GALNT13: variants seen among roughly 807,000 people sequenced by gnomAD.
GALNT13 encodes the protein UDP-GalNAc:polypeptide N-acetylgalactosaminyltransferase 13.
Under a neutral mutation model 64.2 loss-of-function variants are expected in GALNT13, and 28 were observed. The observed-to-expected ratio is 0.44, with a 90% CI of 0.32 to 0.60. GALNT13 has a LOEUF of 0.60. Ranked by LOEUF, GALNT13 falls within the 20% of genes least tolerant of loss-of-function variation. The pLI is 0.05. For missense variants in GALNT13, 577 were observed against 669.8 expected (o/e 0.86, Z 1.53); for synonymous variants, 214 against 224.6 (o/e 0.95, Z 0.42).
At chr2:154,208,406 T>C (rs1282579572) in intron 4 of GALNT13, among the ~76,000 whole-genome samples, 1 of 152,158 alleles carries the variant, frequency 6.6e-6, no homozygotes. Flanking sequence ...TTCATACATA[T>C]TGCTGCTAAT....
rs796902958 is a variant in GALNT13 at position 153,993,016 on chromosome 2, T to A, written c.142+48377T>A. Among the ~76,000 whole-genome samples the A allele has an allele frequency of 9.2e-5, 14 of 152,250 alleles. 1 individual carries two copies. The highest frequency in any genetic ancestry group is 3.4e-4 in the African/African-American group (14 of 41,550). On this transcript the variant is annotated intron_variant, in intron 3 of 12. Coordinates refer to ENST00000392825, the MANE Select transcript of GALNT13 (RefSeq NM_052917.4). ...TACTGTGAAATTAGACATGATAGAC[T>A]CTGGGGAAGCATTTATTTGATTAGG...
chr2:153,483,439 CG>C, the GALNT13 span, among the ~76,000 whole-genome samples: 3 of 88,532 alleles, frequency 3.4e-5, no homozygotes, highest in African/African-American at 1.3e-4. Flanking sequence ...TTTTTTGATA[CG>C]GAGTTTTACT....
intron 9 of GALNT13, among the ~76,000 whole-genome samples, chr2:154,320,854 G>T (rs530901982): frequency 6.6e-6 from 1 of 152,138 alleles, no homozygotes; most frequent in Non-Finnish European, 1.5e-5. Context: ...AATTGACAAT[G>T]AACTTTATCC....
the GALNT13 span, among the ~76,000 whole-genome samples, chr2:153,455,732 T>C: frequency 6.6e-6 from 1 of 152,240 alleles, no homozygotes; most frequent in East Asian, 1.9e-4. Context: ...GTGAACCCTT[T>C]GCCTTTTCAC....
chr2:153,973,671 C>T (rs942110429), intron 3 of GALNT13, among the ~76,000 whole-genome samples: 1 of 150,328 alleles, frequency 6.7e-6, no homozygotes, highest in African/African-American at 2.5e-5. Context: ...AGGAAAGCAT[C>T]TAACAAAGTA....
chr2:154,450,122 A>G (rs1238316077), intron 12 of GALNT13, among the ~76,000 whole-genome samples: 1 of 152,020 alleles, frequency 6.6e-6, no homozygotes, highest in South Asian at 2.1e-4. Context: ...GAGCTCACAA[A>G]TGGGCTTTTT....
chr2:153,107,620 G>A, the GALNT13 span, among the ~76,000 whole-genome samples: 5 of 152,240 alleles, frequency 3.3e-5, no homozygotes, highest in East Asian at 9.7e-4. Context: ...TAGAGAAGTA[G>A]GTAAAAAATG....
chr2:154,345,542 T>C (rs1446950148), intron 9 of GALNT13, among the ~76,000 whole-genome samples: 2 of 152,052 alleles, frequency 1.3e-5, no homozygotes, highest in African/African-American at 4.8e-5. Context: ...TTAAATTTTA[T>C]TTACTTTAAA....
At chr2:153,686,610 TC>T in the GALNT13 span, among the ~76,000 whole-genome samples, 1,154 of 152,144 alleles carry the variant, frequency 7.6e-3, 16 homozygotes, top group African/African-American at 0.026. Context: ...ACATTTTCTC[TC>T]CCTATTTGAA....
At chr2:153,371,454 T>C in the GALNT13 span, among the ~76,000 whole-genome samples, 1 of 152,148 alleles carries the variant, frequency 6.6e-6, no homozygotes, top group Non-Finnish European at 1.5e-5. Context: ...TTTATAGCAC[T>C]AAGAAAAGAG....
chr2:153,645,155 T>A, the GALNT13 span, among the ~76,000 whole-genome samples: 2 of 152,138 alleles, frequency 1.3e-5, no homozygotes, highest in Non-Finnish European at 2.9e-5. Context: ...TTACATCTTA[T>A]AAGAATATGA....
chr2:153,128,511 AG>A, the GALNT13 span, among the ~76,000 whole-genome samples: 4 of 152,126 alleles, frequency 2.6e-5, no homozygotes, highest in Admixed American at 1.3e-4. Context: ...CTACAAGATG[AG>A]ATTTGGGTGG....
the GALNT13 span, among the ~76,000 whole-genome samples, chr2:153,104,793 A>G: frequency 1.3e-5 from 2 of 152,188 alleles, no homozygotes; most frequent in Non-Finnish European, 2.9e-5. Flanking sequence ...CAGATTTCAT[A>G]TAGAAGTTAG....
Position 154,040,827 on chromosome 2 carries a change from T to C in GALNT13, c.142+96188T>C, listed in dbSNP as rs148223936. On this transcript the variant is annotated intron_variant, in intron 3 of 12. Transcript: ENST00000392825. ...AAAAGTTGGCAAAGGTAAAAATACTTTTATTTTTCATCAAAATATTAATAT... is the reference window on the plus strand; with the variant it reads ...AAAAGTTGGCAAAGGTAAAAATACTCTTATTTTTCATCAAAATATTAATAT... Among the ~76,000 whole-genome samples the C allele has an allele frequency of 7.3e-3, 1,025 of 140,494 alleles. 60 individuals carry two copies. Among genetic ancestry groups the C allele is most frequent in the African/African-American group, 0.023 (939 of 41,000 alleles). 92.2% of individuals were successfully genotyped at this position (140,494 alleles called of 152,430 possible). A position where few individuals can be genotyped will look rare whatever the true frequency, so the allele number is the denominator to read the frequency against.
chr2:154,021,627 T>C (rs886230664), intron 3 of GALNT13, among the ~76,000 whole-genome samples: 4 of 151,774 alleles, frequency 2.6e-5, no homozygotes, highest in South Asian at 2.1e-4. Flanking sequence ...TTTCTAGATA[T>C]ACAATCATGT....
At chr2:153,741,167 C>G in the GALNT13 span, among the ~76,000 whole-genome samples, 1 of 152,070 alleles carries the variant, frequency 6.6e-6, no homozygotes, top group Non-Finnish European at 1.5e-5. Context: ...CAATGTAAGT[C>G]TCACTATCGT....
chr2:153,386,890 C>T, the GALNT13 span, among the ~76,000 whole-genome samples: 1 of 152,058 alleles, frequency 6.6e-6, no homozygotes, highest in Non-Finnish European at 1.5e-5. Flanking sequence ...TCCACCCAAG[C>T]CTTGAAAGCT....
At chr2:153,343,221 A>G in the GALNT13 span, among the ~76,000 whole-genome samples, 2 of 152,208 alleles carry the variant, frequency 1.3e-5, no homozygotes, top group Non-Finnish European at 2.9e-5. Flanking sequence ...CATCCAAATA[A>G]GACCCATTAT....
the GALNT13 span, among the ~76,000 whole-genome samples, chr2:153,821,769 A>G: frequency 6.6e-6 from 1 of 152,148 alleles, no homozygotes; most frequent in Non-Finnish European, 1.5e-5. Context: ...CCCAAAAATC[A>G]TATAAAGTAT....
Sources: gnomAD v4.1 joint callset for allele counts (sites outside exome capture counted in the v4.1 genomes callset) on GRCh38, gnomAD v4.1.1 for gene constraint, MANE v1.5 for transcripts, NCBI Gene and HGNC (gene_info 2026-07-23, HGNC 2026-07-21) for gene names.